Variants in SGCD observed in about 807,000 individuals in gnomAD.
The protein encoded by SGCD is delta-sarcoglycan.
In SGCD, 18 loss-of-function variants were observed where a neutral mutation model predicts 36.6. That is an observed-to-expected ratio of 0.49 (90% CI 0.34 to 0.73). The LOEUF is 0.73. Ranked by LOEUF, SGCD falls within the 30% of genes least tolerant of loss-of-function variation. SGCD has a pLI of 0.01. For missense variants in SGCD, 387 were observed against 346.7 expected (o/e 1.12, Z -0.92); for synonymous variants, 133 against 130.6 (o/e 1.02, Z -0.12).
intron 1 of SGCD, among the ~76,000 whole-genome samples, chr5:156,022,166 A>G (rs142623195): frequency 5.3e-5 from 8 of 152,302 alleles, no homozygotes; most frequent in Non-Finnish European, 1.2e-4. Flanking sequence ...TCTTAGCATA[A>G]TGTTTCCAAG....
At chr5:156,070,342 C>G (rs190033432) in intron 1 of SGCD, among the ~76,000 whole-genome samples, 50 of 151,920 alleles carry the variant, frequency 3.3e-4, no homozygotes, top group South Asian at 1.2e-3. Context: ...TAGCATGAAG[C>G]GTTGTTGAAT....
chr5:156,749,392 G>A (rs902111512), intron 7 of SGCD, among the ~76,000 whole-genome samples: 6 of 152,014 alleles, frequency 3.9e-5, no homozygotes, highest in Admixed American at 1.3e-4. Flanking sequence ...GAAACAACTG[G>A]AGAATTATCT....
intron 1 of SGCD, among the ~76,000 whole-genome samples, chr5:156,088,138 GCTAT>G (rs1382487509): frequency 6.6e-6 from 1 of 152,126 alleles, no homozygotes; most frequent in Non-Finnish European, 1.5e-5. Flanking sequence ...GGTTTGAGGG[GCTAT>G]CTGACTTAAG....
chr5:155,959,923 C>T (rs574757202), intron 1 of SGCD, among the ~76,000 whole-genome samples: 339 of 152,194 alleles, frequency 2.2e-3, no homozygotes, highest in African/African-American at 7.6e-3. Flanking sequence ...AGAAGGCTTT[C>T]AGAAGTCCTC....
chr5:155,890,900 G>A (rs1756113732), intron 1 of SGCD, among the ~76,000 whole-genome samples: 1 of 152,206 alleles, frequency 6.6e-6, no homozygotes, highest in Non-Finnish European at 1.5e-5. Flanking sequence ...CCTAGCTTAG[G>A]TCATATGCCC....
the SGCD span, among the ~76,000 whole-genome samples, chr5:155,809,197 CTGT>C: frequency 6.6e-6 from 1 of 152,188 alleles, no homozygotes; most frequent in African/African-American, 2.4e-5. Context: ...TGCATAGTTT[CTGT>C]TGTTCTCAAG....
At chr5:156,141,917 GT>G (rs199933315) in intron 3 of SGCD, among the ~76,000 whole-genome samples, 3,072 of 152,280 alleles carry the variant, frequency 0.02, 45 homozygotes, top group Non-Finnish European at 0.034. Flanking sequence ...CAGTGGAGCA[GT>G]TTCCTTCATT....
At chr5:156,643,961 T>C (rs1763136764) in intron 6 of SGCD, among the ~76,000 whole-genome samples, 1 of 152,152 alleles carries the variant, frequency 6.6e-6, no homozygotes, top group Admixed American at 6.6e-5. Context: ...CCAACGATGA[T>C]TTTTAGTTCA....
chr5:156,637,108 A>C (rs1345103929), intron 6 of SGCD, among the ~76,000 whole-genome samples: 1 of 152,080 alleles, frequency 6.6e-6, no homozygotes, highest in Non-Finnish European at 1.5e-5. Flanking sequence ...ACTCCATGCT[A>C]TTCTTGTGAT....
chr5:155,786,400 A>C, the SGCD span, among the ~76,000 whole-genome samples: 1 of 152,178 alleles, frequency 6.6e-6, no homozygotes, highest in Non-Finnish European at 1.5e-5. Flanking sequence ...TCTCTTCTGC[A>C]GAAACATCCT....
intron 7 of SGCD, among the ~76,000 whole-genome samples, chr5:156,657,999 G>A (rs1581348633): frequency 8.1e-6 from 1 of 122,906 alleles, no homozygotes. Flanking sequence ...ACAATGTAAA[G>A]GATTAAGTGC....
chr5:156,042,279 C>G (rs936151690), intron 1 of SGCD, among the ~76,000 whole-genome samples: 3 of 151,790 alleles, frequency 2.0e-5, no homozygotes, highest in African/African-American at 7.3e-5. Context: ...TGTCACTTGG[C>G]ATTTCATAGA....
At chr5:156,642,161 C>G (rs1763050623) in intron 6 of SGCD, among the ~76,000 whole-genome samples, 1 of 152,148 alleles carries the variant, frequency 6.6e-6, no homozygotes. Flanking sequence ...CTAATCCCAT[C>G]ATGGGCACTC....
At chr5:156,081,879 G>A (rs1486589653) in intron 1 of SGCD, among the ~76,000 whole-genome samples, 3 of 152,130 alleles carry the variant, frequency 2.0e-5, no homozygotes, top group East Asian at 3.9e-4. Flanking sequence ...GCCCCACTAT[G>A]CAAATGGGGT....
At chr5:156,313,014 A>T (rs1334300908) in intron 3 of SGCD, among the ~76,000 whole-genome samples, 1 of 151,552 alleles carries the variant, frequency 6.6e-6, no homozygotes, top group African/African-American at 2.4e-5. Context: ...TTGTTTTCTG[A>T]TTTTCTTTCT....
chr5:155,857,741 T>A, the SGCD span, among the ~76,000 whole-genome samples: 1 of 152,134 alleles, frequency 6.6e-6, no homozygotes, highest in African/African-American at 2.4e-5. Context: ...GTCTAATTTA[T>A]CTTTCTCTTT....
intron 3 of SGCD, among the ~76,000 whole-genome samples, chr5:156,141,199 A>T (rs1019668760): frequency 1.8e-4 from 27 of 152,234 alleles, no homozygotes; most frequent in Admixed American, 1.8e-3. Flanking sequence ...GGAGAGTCTC[A>T]GGACCCAGGC....
the SGCD span, among the ~76,000 whole-genome samples, chr5:155,786,508 T>TA: frequency 2.6e-5 from 4 of 151,994 alleles, no homozygotes; most frequent in African/African-American, 9.6e-5. Flanking sequence ...AAGCTTAAAT[T>TA]AAAAAAAAGT....
At chr5:156,751,548 A>G (rs1475806817) in intron 7 of SGCD, among the ~76,000 whole-genome samples, 11 of 152,242 alleles carry the variant, frequency 7.2e-5, no homozygotes. Context: ...GAAATTGTCA[A>G]TACATAGAAC....
Sources: allele counts gnomAD v4.1 joint callset (sites outside exome capture counted in the v4.1 genomes callset), GRCh38; gene constraint gnomAD v4.1.1; transcripts MANE v1.5; gene names NCBI Gene and HGNC (gene_info 2026-07-23, HGNC 2026-07-21).